Variants in KCNH7 observed in about 807,000 individuals in gnomAD.
The protein encoded by KCNH7 is voltage-gated inwardly rectifying potassium channel KCNH7.
KCNH7 carries 49 observed loss-of-function variants against 120.8 expected under a neutral mutation model. That is an observed-to-expected ratio of 0.41 (90% CI 0.32 to 0.51). The LOEUF (loss-of-function observed/expected upper bound fraction) is 0.51. Ranked by LOEUF, KCNH7 falls within the 20% of genes least tolerant of loss-of-function variation. The probability of loss-of-function intolerance (pLI) is 0.38; values close to 1 mark genes in which losing one functional copy is unlikely to be tolerated. For missense variants in KCNH7, 1,097 were observed against 1,446.6 expected (o/e 0.76, Z 3.92); for synonymous variants, 547 against 516.1 (o/e 1.06, Z -0.81).
intron 2 of KCNH7, among the ~76,000 whole-genome samples, chr2:162,831,863 G>C (rs932839531): frequency 6.6e-6 from 1 of 152,180 alleles, no homozygotes; most frequent in Admixed American, 6.5e-5. Flanking sequence ...GCTTCTTAGA[G>C]GTGTGATGTT....
chr2:162,714,314 T>C (rs1481852884), intron 2 of KCNH7, among the ~76,000 whole-genome samples: 1 of 152,122 alleles, frequency 6.6e-6, no homozygotes, highest in Non-Finnish European at 1.5e-5. Context: ...AAGACTCATA[T>C]CAGTTAATGT....
At chr2:162,769,554 T>C (rs1682957746) in intron 2 of KCNH7, among the ~76,000 whole-genome samples, 1 of 152,016 alleles carries the variant, frequency 6.6e-6, no homozygotes, top group Admixed American at 6.6e-5. Flanking sequence ...GGAAAGGCCA[T>C]CTCCAAGGAA....
chr2:162,744,795 G>A (rs1025619951), intron 2 of KCNH7, among the ~76,000 whole-genome samples: 1 of 151,874 alleles, frequency 6.6e-6, no homozygotes, highest in Non-Finnish European at 1.5e-5. Flanking sequence ...GGATGGTCTC[G>A]GTCTCCTGAC....
intron 2 of KCNH7, among the ~76,000 whole-genome samples, chr2:162,639,942 T>C (rs1684090494): frequency 1.3e-5 from 2 of 152,086 alleles, no homozygotes; most frequent in African/African-American, 4.8e-5. Flanking sequence ...AAATTAAAAA[T>C]GTAACACCAT....
chr2:162,675,043 T>C (rs1325763938), intron 2 of KCNH7, among the ~76,000 whole-genome samples: 1 of 151,572 alleles, frequency 6.6e-6, no homozygotes, highest in African/African-American at 2.4e-5. Context: ...AAGGTATTTA[T>C]AGCAAATAAC....
chr2:162,567,582 C>T (rs1574111238), intron 2 of KCNH7, among the ~76,000 whole-genome samples: 1 of 151,906 alleles, frequency 6.6e-6, no homozygotes, highest in Non-Finnish European at 1.5e-5. Context: ...AAAGCATATA[C>T]CTTATATGTT....
At chr2:162,802,973 T>C (rs1684402587) in intron 2 of KCNH7, among the ~76,000 whole-genome samples, 1 of 151,808 alleles carries the variant, frequency 6.6e-6, no homozygotes, top group Admixed American at 6.6e-5. Flanking sequence ...CATAGCTACA[T>C]ATGGGTAGGA....
intron 2 of KCNH7, among the ~76,000 whole-genome samples, chr2:162,585,237 G>A (rs759777944): frequency 2.0e-5 from 3 of 152,052 alleles, no homozygotes; most frequent in East Asian, 1.9e-4. Context: ...AAACCCATAC[G>A]TTTCTTGATT....
intron 2 of KCNH7, among the ~76,000 whole-genome samples, chr2:162,594,606 T>A (rs1336486437): frequency 1.3e-5 from 2 of 152,020 alleles, no homozygotes; most frequent in African/African-American, 4.8e-5. Flanking sequence ...ATCCATAGAT[T>A]AAGTAAACTG....
intron 2 of KCNH7, among the ~76,000 whole-genome samples, chr2:162,768,336 G>GTT (rs34062395): frequency 1.3e-4 from 19 of 151,112 alleles, no homozygotes; most frequent in African/African-American, 3.7e-4. Context: ...CTGAAGCTGG[G>GTT]TTTTTTTTTA....
intron 2 of KCNH7, among the ~76,000 whole-genome samples, chr2:162,728,742 T>A (rs181204915): frequency 4.9e-4 from 75 of 152,288 alleles, no homozygotes; most frequent in Non-Finnish European, 5.4e-4. Flanking sequence ...TGCGCCATTG[T>A]ACTCCAGCCT....
intron 2 of KCNH7, among the ~76,000 whole-genome samples, chr2:162,705,839 A>T (rs569497364): frequency 6.6e-6 from 1 of 152,258 alleles, no homozygotes; most frequent in Admixed American, 6.6e-5. Context: ...CAATTTGGAA[A>T]AGACCAAAAA....
intron 2 of KCNH7, among the ~76,000 whole-genome samples, chr2:162,603,138 A>G (rs1290190733): frequency 6.6e-6 from 1 of 151,998 alleles, no homozygotes; most frequent in East Asian, 1.9e-4. Context: ...GTGTAGGGTC[A>G]CTAGTTTTCA....
intron 2 of KCNH7, among the ~76,000 whole-genome samples, chr2:162,696,576 CCA>C (rs1686297446): frequency 1.3e-5 from 2 of 152,152 alleles, no homozygotes; most frequent in Admixed American, 1.3e-4. Context: ...GAGACAAAGA[CCA>C]CTGCACTAGC....
intron 2 of KCNH7, among the ~76,000 whole-genome samples, chr2:162,645,970 T>C (rs1451313258): frequency 1.3e-5 from 2 of 152,196 alleles, no homozygotes; most frequent in African/African-American, 4.8e-5. Flanking sequence ...CCCATCTAAT[T>C]CTACAAAGGC....
At chr2:162,737,690 G>A (rs555062377) in intron 2 of KCNH7, among the ~76,000 whole-genome samples, 23 of 152,202 alleles carry the variant, frequency 1.5e-4, no homozygotes, top group African/African-American at 4.8e-4. Context: ...AAACAATTTT[G>A]GTTTCTCCAC....
intron 2 of KCNH7, among the ~76,000 whole-genome samples, chr2:162,731,331 A>T (rs1366950568): frequency 1.3e-5 from 2 of 150,410 alleles, no homozygotes; most frequent in African/African-American, 4.9e-5. Flanking sequence ...ACACAAAAAA[A>T]TTTTTGCACA....
intron 2 of KCNH7, among the ~76,000 whole-genome samples, chr2:162,591,393 TA>T (rs962755924): frequency 9.9e-5 from 15 of 151,070 alleles, no homozygotes; most frequent in African/African-American, 2.9e-4. Flanking sequence ...TTTATTTTTA[TA>T]AAAAAAAACA....
At chr2:162,450,525 A>G (rs900136466) in intron 6 of KCNH7, among the ~76,000 whole-genome samples, 12 of 152,104 alleles carry the variant, frequency 7.9e-5, no homozygotes, top group Admixed American at 4.6e-4. Flanking sequence ...TCATGAGGTA[A>G]ATCCAAATGC....
Sources: gnomAD v4.1 joint callset for allele counts (sites outside exome capture counted in the v4.1 genomes callset) on GRCh38, gnomAD v4.1.1 for gene constraint, MANE v1.5 for transcripts, NCBI Gene and HGNC (gene_info 2026-07-23, HGNC 2026-07-21) for gene names.